The following CRYM variants were observed in gnomAD, a reference collection of about 807,000 sequenced individuals.
The protein encoded by CRYM is crystallin mu, also known as ketimine reductase mu-crystallin.
In CRYM, 18 loss-of-function variants were observed where a neutral mutation model predicts 32.9. The observed-to-expected ratio is 0.55, with a 90% CI of 0.38 to 0.81. CRYM has a LOEUF of 0.81. CRYM is among the 30% of genes least tolerant of loss of function. The pLI is 0.00. For synonymous variants in CRYM, 153 were observed against 152.4 expected (o/e 1.00, Z -0.03); for missense variants, 337 against 393.5 (o/e 0.86, Z 1.21).
intron 5 of CRYM, among the ~76,000 whole-genome samples, chr16:21,263,591 G>A (rs146920926): frequency 1.8e-4 from 27 of 152,288 alleles, no homozygotes; most frequent in Non-Finnish European, 2.9e-4. Flanking sequence ...TCAGTGTCAG[G>A]GTCATGGAGA....
At chr16:21,268,863 A>G (rs2093369187) in intron 4 of CRYM, among the ~76,000 whole-genome samples, 1 of 152,096 alleles carries the variant, frequency 6.6e-6, no homozygotes, top group South Asian at 2.1e-4. Context: ...AGTAATGGCA[A>G]CTGGGCGCAG....
At chr16:21,267,488 G>T in intron 5 of CRYM, 66 bp downstream of exon 5, 2 of 1,529,398 alleles carry the variant, frequency 1.3e-6, no homozygotes, top group South Asian at 1.1e-5. Context: ...AAATGTAGTC[G>T]ACTGGTCCCG....
chr16:21,258,806 T>C lies in CRYM; in HGVS notation c.920A>G (p.Tyr307Cys). The C allele has an allele frequency of 6.2e-7, 1 of 1,614,162 alleles. No individual in the cohort carries two copies. Among genetic ancestry groups the C allele is most frequent in the Non-Finnish European group, 8.5e-7 (1 of 1,180,014 alleles). Residue 307 changes from tyrosine to cysteine, a missense_variant, in exon 8 of 8, where the codon TAT becomes TGT. Physicochemically the swap from Tyr to Cys is radical, Grantham distance 194. Coordinates refer to ENST00000572914, the MANE Select transcript of CRYM (RefSeq NM_001376256.1). ...VEDTVAAKLI[Y>C]DSWSSGK ...TTATTTACCAGATGACCAGGAATCA[T>C]AGATGAGTTTGGCTGCAACTGTGTC...
chr16:21,299,472 G>A (rs1184712379), intron 1 of CRYM, among the ~76,000 whole-genome samples: 1 of 151,998 alleles, frequency 6.6e-6, no homozygotes, highest in African/African-American at 2.4e-5. Flanking sequence ...CCACTGCTCG[G>A]CTAATTTTTC....
At chr16:21,287,935 G>A (rs1356294469) in intron 1 of CRYM, among the ~76,000 whole-genome samples, 24 of 152,230 alleles carry the variant, frequency 1.6e-4, no homozygotes. Flanking sequence ...AGGCAGAAGT[G>A]CAGGTACCCT....
At position 21,277,165 on chromosome 16, in the gene CRYM, T is replaced by C. The variant is rs2093388248; in HGVS notation, c.324+266A>G. On this transcript the variant is annotated intron_variant, in intron 2 of 7. Coordinates refer to ENST00000572914, the MANE Select transcript of CRYM (RefSeq NM_001376256.1). This position sits in a 1 kb window ranked among gnomAD's most constrained non-coding sequence, Gnocchi z 4.2. ...GGCAACTGAGTATAGGACAAGGACA[T>C]ATGCAAGAATGACAACAAGATTATT... 2.6e-5 allele frequency among the ~76,000 whole-genome samples: 4 copies of C among 152,316 alleles called. No homozygotes were observed. The South Asian group carries it at 8.3e-4, about 32-fold the overall frequency.
upstream of CRYM, among the ~76,000 whole-genome samples, chr16:21,281,455 TC>T (rs542805170): frequency 1.1e-4 from 16 of 152,012 alleles, no homozygotes; most frequent in Non-Finnish European, 2.2e-4. Context: ...GGTCTCGAAC[TC>T]CTGACCTGAG....
chr16:21,281,019 T>G (rs2093396983), upstream of CRYM, among the ~76,000 whole-genome samples: 1 of 151,442 alleles, frequency 6.6e-6, no homozygotes. Context: ...GCAGGAGAAT[T>G]GCTTGAACCA....
chr16:21,272,054 G>A (rs1251442233), intron 3 of CRYM, among the ~76,000 whole-genome samples: 1 of 151,062 alleles, frequency 6.6e-6, no homozygotes, highest in African/African-American at 2.4e-5. Flanking sequence ...GTAAAGATGG[G>A]GTTTCGCCAT....
chr16:21,267,799 G>T, intron 4 of CRYM, 62 bp from the exon 5 acceptor site: 1 of 1,548,692 alleles, frequency 6.5e-7, no homozygotes, highest in Non-Finnish European at 8.9e-7. Context: ...GTTACACTGA[G>T]CCCAGGGATG....
upstream of CRYM, chr16:21,278,429 C>CGACCCCT: frequency 1.4e-6 from 1 of 727,134 alleles, no homozygotes; most frequent in South Asian, 1.7e-5. Context: ...TCGCCCACCT[C>CGACCCCT]GACCCCTAAG....
At chr16:21,269,112 C>G (rs226053) in intron 4 of CRYM, among the ~76,000 whole-genome samples, 46,267 of 147,898 alleles carry the variant, frequency 0.31, 8,637 homozygotes, top group African/African-American at 0.52. Context: ...CCACTGCACT[C>G]CAGCCTGGGC....
intron 7 of CRYM, among the ~76,000 whole-genome samples, chr16:21,259,641 T>C (rs2093350797): frequency 6.6e-6 from 1 of 152,082 alleles, no homozygotes; most frequent in Non-Finnish European, 1.5e-5. Context: ...CATTTGAAAA[T>C]CTAAAAACCA....
intron 5 of CRYM, chr16:21,262,462 A>G (rs1442718956): frequency 1.1e-5 from 4 of 361,140 alleles, no homozygotes; most frequent in African/African-American, 8.6e-5. Flanking sequence ...TACTAAAAAT[A>G]CAAAAAATTA....
chr16:21,278,512 T>TA, upstream of CRYM: 1 of 573,210 alleles, frequency 1.7e-6, no homozygotes, highest in Non-Finnish European at 3.1e-6. Context: ...TGGGAGTCAA[T>TA]ATTGTTTGGT....
At chr16:21,273,930 T>C (rs754837475) in intron 3 of CRYM, among the ~76,000 whole-genome samples, 1 of 152,178 alleles carries the variant, frequency 6.6e-6, no homozygotes, top group Non-Finnish European at 1.5e-5. Flanking sequence ...AACCAGTTCA[T>C]TGAGGTGGGT....
chr16:21,292,550 T>G (rs1182408227), intron 1 of CRYM, among the ~76,000 whole-genome samples: 1 of 152,192 alleles, frequency 6.6e-6, no homozygotes, highest in Non-Finnish European at 1.5e-5. Context: ...AGGCTTTTTA[T>G]TTTTGGTAGA....
intron 1 of CRYM, chr16:21,283,482 T>A (rs1456388300): frequency 6.6e-6 from 1 of 152,128 alleles, no homozygotes; most frequent in Middle Eastern, 3.2e-3. Flanking sequence ...TAAAAGTCTT[T>A]ATTTTGACTA....
intron 4 of CRYM, among the ~76,000 whole-genome samples, chr16:21,269,409 C>T (rs1236074262): frequency 6.6e-6 from 1 of 152,166 alleles, no homozygotes; most frequent in Non-Finnish European, 1.5e-5. Context: ...CAGGTCTCAT[C>T]CCACCCAGTT....
Sources: allele counts gnomAD v4.1 joint callset (sites outside exome capture counted in the v4.1 genomes callset), GRCh38; gene constraint gnomAD v4.1.1; non-coding constraint Gnocchi (gnomAD v3.1); transcripts MANE v1.5; gene names NCBI Gene and HGNC (gene_info 2026-07-23, HGNC 2026-07-21).